The following RADIL variants were observed in gnomAD, a reference collection of about 807,000 sequenced individuals.
RADIL encodes the protein Rap associating with DIL domain.
RADIL carries 99 observed loss-of-function variants against 97.6 expected under a neutral mutation model. The observed-to-expected ratio is 1.01, with a 90% CI of 0.86 to 1.20. The LOEUF (loss-of-function observed/expected upper bound fraction) is 1.20. Among genes scored for constraint, RADIL ranks in the 50% most tolerant of loss-of-function variants. RADIL has a pLI of 0.00. For synonymous variants in RADIL, 803 were observed against 691.8 expected (o/e 1.16, Z -2.52); for missense variants, 1,765 against 1,498.9 (o/e 1.18, Z -2.93).
Position 4,810,290 on chromosome 7 carries a change from G to A in RADIL, c.2140-4574C>T, listed in dbSNP as rs904334979. On this transcript the variant is annotated intron_variant, in intron 9 of 14. Coordinates refer to ENST00000399583, the MANE Select transcript of RADIL (RefSeq NM_018059.5). Reference sequence around the variant, plus strand: ...TCTCCTGCCTCAGCCTCCCCAGGTAGTTGGGAATACACATCACCATGCCTG... The same window carrying A: ...TCTCCTGCCTCAGCCTCCCCAGGTAATTGGGAATACACATCACCATGCCTG... Among the ~76,000 whole-genome samples, 10 of 152,098 alleles carry A rather than the reference G, an allele frequency of 6.6e-5. No homozygotes were observed. The East Asian group carries it at 1.9e-3, about 29-fold the overall frequency.
intron 5 of RADIL, among the ~76,000 whole-genome samples, chr7:4,823,709 C>A (rs574087876): frequency 1.3e-5 from 2 of 152,332 alleles, no homozygotes; most frequent in Admixed American, 1.3e-4. Flanking sequence ...CTCCCAAACC[C>A]TTTCTCCCAC....
chr7:4,861,492 C>T lies in RADIL; in HGVS notation c.535+16113G>A. On this transcript the variant is annotated intron_variant, in intron 2 of 14. Coordinates refer to ENST00000399583, the MANE Select transcript of RADIL (RefSeq NM_018059.5). ...ATATCTGCGCCTTTCGTATGTACTC[C>T]TAATCTGTAAGAGCCAAACGTAAAA... The T allele has an allele frequency of 2.5e-6, 4 of 1,614,118 alleles. No homozygotes were observed. The South Asian group carries it at 4.4e-5, about 18-fold the overall frequency.
At position 4,835,350 on chromosome 7, in the gene RADIL, C is replaced by T. The variant is rs1043752654; in HGVS notation, c.784-111G>A. 2.2e-6 allele frequency: 3 copies of T among 1,386,814 alleles called. No homozygotes were observed. The highest frequency in any genetic ancestry group is 1.4e-5 in the African/African-American group (1 of 70,262). The allele number at this position is 1,386,814 out of a possible 1,614,324, so 85.9% of individuals were successfully genotyped here. On this transcript the variant is annotated intron_variant, in intron 3 of 14. Coordinates refer to ENST00000399583, the MANE Select transcript of RADIL (RefSeq NM_018059.5). This position sits in a 1 kb window ranked among gnomAD's most constrained non-coding sequence, Gnocchi z 5.8. The stretch of plus-strand genomic sequence containing the variant: ...CAGCGTGGCTGGGATGCTGTCGCCA[C>T]GGGCTCTCCATGTCCCTGGCCACCC...
At chr7:4,850,729 G>A (rs80203946) in intron 2 of RADIL, among the ~76,000 whole-genome samples, 5 of 152,174 alleles carry the variant, frequency 3.3e-5, no homozygotes, top group Non-Finnish European at 7.3e-5. Flanking sequence ...CAACAACCTT[G>A]TGAGTCTGAA....
chr7:4,856,738 C>T (rs527575017), intron 2 of RADIL, among the ~76,000 whole-genome samples: 1 of 152,192 alleles, frequency 6.6e-6, no homozygotes, highest in African/African-American at 2.4e-5. Context: ...AATTTTTGTA[C>T]ATGCCCAATG....
At chr7:4,804,206 G>A (rs889322362) in intron 10 of RADIL, 45 of 249,994 alleles carry the variant, frequency 1.8e-4, no homozygotes, top group Middle Eastern at 1.6e-3. Context: ...TCTGCCCCCA[G>A]GAACAGGAGC....
chr7:4,861,431 C>G lies in RADIL; in HGVS notation c.535+16174G>C, dbSNP rs1423675104. The G allele has an allele frequency of 6.2e-7, 1 of 1,614,040 alleles. No individual in the cohort carries two copies. The highest frequency in any genetic ancestry group is 2.2e-5 in the East Asian group (1 of 44,892). On this transcript the variant is annotated intron_variant, in intron 2 of 14. Coordinates refer to ENST00000399583, the MANE Select transcript of RADIL (RefSeq NM_018059.5). ...ATAGAATGAGGTGAAAAAGTCGCTT[C>G]GATCCACATGACTTGGTGCAACGCA...
intron 6 of RADIL, among the ~76,000 whole-genome samples, chr7:4,820,504 G>A (rs909057186): frequency 3.9e-5 from 6 of 152,184 alleles, no homozygotes; most frequent in Non-Finnish European, 7.4e-5. Flanking sequence ...CCAGATGCCC[G>A]GATGCCCACC....
chr7:4,838,379 G>A (rs1303902015), intron 2 of RADIL, among the ~76,000 whole-genome samples: 2 of 152,218 alleles, frequency 1.3e-5, no homozygotes, highest in African/African-American at 4.8e-5. Context: ...TGACCTCAGA[G>A]TGACCTGCTG....
rs1211119430 is a variant in RADIL at position 4,817,985 on chromosome 7, T to C, written c.1616-634A>G. ...TTCCAGAAAGTGAGGGAGCATGTGG[T>C]GGTCTCAGTGACTGAGGGTCCCATC... is the stretch of plus-strand genomic sequence containing the variant. On this transcript the variant is annotated intron_variant, in intron 6 of 14. Transcript: ENST00000399583. This position sits in a 1 kb window ranked among gnomAD's most constrained non-coding sequence, Gnocchi z 8.3. Among the ~76,000 whole-genome samples the C allele has an allele frequency of 6.6e-6, 1 of 152,124 alleles. No homozygotes were observed. Among genetic ancestry groups the C allele is most frequent in the Non-Finnish European group, 1.5e-5 (1 of 68,004 alleles).
intron 2 of RADIL, among the ~76,000 whole-genome samples, chr7:4,875,358 A>T (rs137952443): frequency 0.021 from 3,216 of 150,984 alleles, 128 homozygotes; most frequent in African/African-American, 0.076. Context: ...ATGCCATTGC[A>T]CTCCAGCCTG....
rs1400047872 is a variant in RADIL at position 4,840,352 on chromosome 7, C to A, written c.536-3747G>T. Among the ~76,000 whole-genome samples, 1 of 152,206 alleles carries A rather than the reference C, an allele frequency of 6.6e-6. No homozygotes were observed. The highest frequency in any genetic ancestry group is 1.5e-5 in the Non-Finnish European group (1 of 68,038). ...GCCTCAACTGGGACAGAAAGTGCCC[C>A]CACTTGGCCTTTGGGTGGAGGGAGA... On this transcript the variant is annotated intron_variant, in intron 2 of 14. Transcript: ENST00000399583. The surrounding 1 kb of genome is among the most constrained non-coding windows in gnomAD (Gnocchi z 5.6).
chr7:4,861,208 G>A (rs1361532184), intron 2 of RADIL: 5 of 1,614,198 alleles, frequency 3.1e-6, no homozygotes, highest in African/African-American at 2.7e-5. Context: ...AACCATTAAG[G>A]CTTCTTATGC....
chr7:4,847,712 A>C (rs974624786), intron 2 of RADIL, among the ~76,000 whole-genome samples: 1 of 149,226 alleles, frequency 6.7e-6, no homozygotes, highest in Non-Finnish European at 1.5e-5. Flanking sequence ...GAGCCTCAAA[A>C]ATATGCTACG....
Position 4,800,318 on chromosome 7 carries a change from G to A in RADIL, c.2843-8C>T, listed in dbSNP as rs760576547. 1.2e-5 allele frequency: 17 copies of A among 1,443,458 alleles called. No homozygotes were observed. The highest frequency in any genetic ancestry group is 1.5e-5 in the African/African-American group (1 of 67,486). The allele number at this position is 1,443,458 out of a possible 1,614,324, so 89.4% of individuals were successfully genotyped here. ...CAAGGGCTGCAGAGTCTCCTGGGTG[G>A]GGGCCAGGAAAGGTGGGTGGGAGTG... On this transcript the variant is annotated splice_region_variant and splice_polypyrimidine_tract_variant and intron_variant, in intron 12 of 14. Transcript: ENST00000399583.
Position 4,878,729 on chromosome 7 carries a change from C to T in RADIL, c.-64-526G>A, listed in dbSNP as rs1023507394. ...GAGGTCGCCTAAGTAAGACACGCTC[C>T]GCTGCAGGGCTTGGATTTCTGGAAA... On this transcript the variant is annotated intron_variant, in intron 1 of 14. Transcript: ENST00000399583. This position sits in a 1 kb window ranked among gnomAD's most constrained non-coding sequence, Gnocchi z 4.1. Among the ~76,000 whole-genome samples, 4 of 152,214 alleles carry T rather than the reference C, an allele frequency of 2.6e-5. No homozygotes were observed. The highest frequency in any genetic ancestry group is 2.1e-4 in the South Asian group (1 of 4,834).
Position 4,834,840 on chromosome 7 carries a change from T to C in RADIL, c.1183A>G (p.Thr395Ala). ...TGGCGCCGGGGCAGGGCGGCCTGAG[T>C]AGGGGAGGCGGCTCCCCGGGCCCCG... ...ALGARGAASP[T>A]QAALPRRQQL... is the part of the protein sequence containing the mutation. The change falls in exon 4 of 15, where the codon ACT (threonine) becomes GCT (alanine). Residue 395 changes from threonine to alanine, a missense_variant. By Grantham distance (58) the Thr-to-Ala change is moderately conservative. Transcript: ENST00000399583. The surrounding 1 kb of genome is among the most constrained non-coding windows in gnomAD (Gnocchi z 6.0). 1 of 1,318,154 alleles carries C rather than the reference T, an allele frequency of 7.6e-7. No individual in the cohort carries two copies. Among genetic ancestry groups the C allele is most frequent in the Non-Finnish European group, 9.7e-7 (1 of 1,032,492 alleles). 81.7% of individuals were successfully genotyped at this position (1,318,154 alleles called of 1,614,324 possible).
intron 2 of RADIL, among the ~76,000 whole-genome samples, chr7:4,844,277 C>T (rs567127303): frequency 2.0e-5 from 3 of 152,008 alleles, no homozygotes; most frequent in East Asian, 3.9e-4. Context: ...AACCCTGTCT[C>T]TACTAAAAAT....
Position 4,834,866 on chromosome 7 carries a change from AGC to A in RADIL, c.1155_1156del (p.Leu386ArgfsTer24). Reference sequence around the variant, plus strand: ...AGGGGAGGCGGCTCCCCGGGCCCCGAGCGCGGCCCCGCACAGCCGGCAGCTCT... The same window carrying A: ...AGGGGAGGCGGCTCCCCGGGCCCCGAGCGGCCCCGCACAGCCGGCAGCTCT... On this transcript the variant is annotated frameshift_variant, in exon 4 of 15. Coordinates refer to ENST00000399583, the MANE Select transcript of RADIL (RefSeq NM_018059.5). LOFTEE classifies it high-confidence loss of function. The surrounding 1 kb of genome is among the most constrained non-coding windows in gnomAD (Gnocchi z 6.0). 1 of 1,332,376 alleles carries A rather than the reference AGC, an allele frequency of 7.5e-7. No homozygotes were observed. Among genetic ancestry groups the A allele is most frequent in the Non-Finnish European group, 9.6e-7 (1 of 1,041,408 alleles). 82.5% of individuals were successfully genotyped at this position (1,332,376 alleles called of 1,614,324 possible).
Sources: gnomAD v4.1 joint callset for allele counts (sites outside exome capture counted in the v4.1 genomes callset) on GRCh38, gnomAD v4.1.1 for gene constraint, Gnocchi (gnomAD v3.1) non-coding constraint, MANE v1.5 for transcripts, NCBI Gene and HGNC (gene_info 2026-07-23, HGNC 2026-07-21) for gene names.